Variants in IRF4 observed in about 807,000 individuals in gnomAD.
IRF4 encodes interferon regulatory factor 4.
Under a neutral mutation model 55.5 loss-of-function variants are expected in IRF4, and 13 were observed. That is an observed-to-expected ratio of 0.23 (90% CI 0.15 to 0.37). The LOEUF is 0.37. Among genes scored for constraint, IRF4 ranks in the 10% least tolerant of loss-of-function variants. IRF4 has a pLI of 1.00. For synonymous variants in IRF4, 249 were observed against 240.7 expected, an observed-to-expected ratio of 1.03 and a Z score of -0.32; for missense variants, 397 against 593.8, an observed-to-expected ratio of 0.67 and a Z score of 3.44.
chr6:398,638 T>G (rs1294287663), intron 5 of IRF4, among the ~76,000 whole-genome samples, 190 bp from the exon 6 acceptor site: 1 of 152,234 alleles, frequency 6.6e-6, no homozygotes, highest in African/African-American at 2.4e-5. Context: ...GCTTTGGTTT[T>G]CCAGTTGGTC....
rs776661032 is a variant in IRF4 at position 395,906 on chromosome 6, A to C, written c.463A>C (p.Thr155Pro). 6.2e-7 allele frequency: 1 copy of C among 1,613,752 alleles called. No individual in the cohort carries two copies. The highest frequency in any genetic ancestry group is 8.5e-7 in the Non-Finnish European group (1 of 1,179,816). ...QMSMSHPYTM[T>P]TPYPSLPAQQ... Reference sequence around the variant, plus strand: ...GTCCATGAGCCACCCCTACACCATGACAACGCCTTACCCTTCGCTCCCAGC... The same window carrying C: ...GTCCATGAGCCACCCCTACACCATGCCAACGCCTTACCCTTCGCTCCCAGC... Residue 155 changes from threonine (T) to proline (P), a missense_variant, in exon 4 of 9, where the codon ACA (threonine) becomes CCA (proline). Coordinates refer to ENST00000380956, the MANE Select transcript of IRF4 (RefSeq NM_002460.4).
At chr6:397,496 G>T in intron 5 of IRF4, 1 of 490,836 alleles carries the variant, frequency 2.0e-6, no homozygotes, top group Non-Finnish European at 3.6e-6. Context: ...ACACCACAGA[G>T]ATCACTCCAG....
intron 3 of IRF4, among the ~76,000 whole-genome samples, chr6:395,511 G>C (rs994838370): frequency 5.3e-5 from 8 of 152,182 alleles, no homozygotes; most frequent in Non-Finnish European, 1.2e-4. Context: ...GTCTGGAAGA[G>C]AGCTCAGGAA....
At chr6:401,363 C>T (rs1021857936) in intron 6 of IRF4, 61 bp from the exon 7 acceptor site, 15 of 1,279,370 alleles carry the variant, frequency 1.2e-5, no homozygotes, top group South Asian at 2.6e-5. Context: ...TCTGTGGAGT[C>T]GTTGGCCTCG....
rs111502183 is a variant in IRF4, at chr6:407,746, C to T, written c.*148C>T. Reference sequence around the variant, plus strand: ...CTCCGCCTCCTGGGTTCAAGAGACTCTCCTGCCTCAGCCTCCCTGGTAGCT... The same window carrying T: ...CTCCGCCTCCTGGGTTCAAGAGACTTTCCTGCCTCAGCCTCCCTGGTAGCT... On this transcript the variant is annotated 3_prime_UTR_variant, in exon 9 of 9. Coordinates refer to ENST00000380956, the MANE Select transcript of IRF4 (RefSeq NM_002460.4). The T allele has an allele frequency of 3.7e-3, 2,584 of 697,076 alleles. 69 individuals carry two copies. In the African/African-American group the frequency reaches 0.044, roughly 12 times the overall value. The allele number at this position is 697,076 out of a possible 1,614,324, so 43.2% of individuals were successfully genotyped here.
intron 8 of IRF4, among the ~76,000 whole-genome samples, chr6:406,098 A>G (rs1043624996): frequency 1.3e-5 from 2 of 152,238 alleles, no homozygotes; most frequent in African/African-American, 4.8e-5. Flanking sequence ...CAACCAGTAT[A>G]TAATCCCATA....
At chr6:401,952 G>C (rs999530122) in intron 7 of IRF4, 175 bp downstream of exon 7, 42 of 613,254 alleles carry the variant, frequency 6.8e-5, no homozygotes, top group Middle Eastern at 4.1e-4. Context: ...TCTGTTGTGG[G>C]CAGAGAGTCC....
intron 2 of IRF4, 151 bp from the exon 3 acceptor site, chr6:394,670 C>G (rs1413513240): frequency 2.8e-6 from 2 of 723,052 alleles, no homozygotes; most frequent in African/African-American, 1.8e-5. Context: ...ATAGGAGGAC[C>G]CTAGAACTCA....
In IRF4 at chr6:397,381, C is replaced by T. The variant is rs545051257; in HGVS notation, c.637+129C>T. 32 of 1,114,786 alleles carry T rather than the reference C, an allele frequency of 2.9e-5. No homozygotes were observed. In the East Asian group the frequency reaches 4.5e-4, roughly 16 times the overall value. 69.1% of individuals were successfully genotyped at this position (1,114,786 alleles called of 1,614,324 possible). A position where few individuals can be genotyped will look rare whatever the true frequency, so the allele number is the denominator to read the frequency against. ...CTTCTTAGAGGCTGCGTGTGCAGCT[C>T]GGGGAGAGGGGGGTTTTCTCACTCC... On this transcript the variant is annotated intron_variant, in intron 5 of 8. Transcript: ENST00000380956.
intron 7 of IRF4, 125 bp from the exon 8 acceptor site, chr6:404,893 G>A (rs1305154582): frequency 2.1e-5 from 13 of 628,728 alleles, no homozygotes; most frequent in Admixed American, 5.4e-5. Context: ...CCCACTCAGC[G>A]GAGTAAGAGT....
chr6:399,894 A>T (rs1038572790), intron 6 of IRF4, among the ~76,000 whole-genome samples: 4 of 152,166 alleles, frequency 2.6e-5, no homozygotes, highest in African/African-American at 9.7e-5. Context: ...GGTGCTTCTG[A>T]GCAGGAAGGC....
chr6:393,597 A>G lies in IRF4; in HGVS notation c.216+229A>G, dbSNP rs974665431. Among the ~76,000 whole-genome samples, 18 of 152,206 alleles carry G rather than the reference A, an allele frequency of 1.2e-4. 1 individual carries two copies. The highest frequency in any genetic ancestry group is 1.1e-3 in the Admixed American group (17 of 15,306). On this transcript the variant is annotated intron_variant, in intron 2 of 8. Coordinates refer to ENST00000380956, the MANE Select transcript of IRF4 (RefSeq NM_002460.4). The surrounding 1 kb of genome is among the most constrained non-coding windows in gnomAD (Gnocchi z 5.4). Reference sequence around the variant, plus strand: ...CGGGTCCTGGGCGCGTGGAGGCTGCAGGGAAACCGCTGAAGGCCCGGCCGG... The same window carrying G: ...CGGGTCCTGGGCGCGTGGAGGCTGCGGGGAAACCGCTGAAGGCCCGGCCGG...
rs565579493 is a variant in IRF4, at chr6:403,373, C to A, written c.1099+1596C>A. On this transcript the variant is annotated intron_variant, in intron 7 of 8. Coordinates refer to ENST00000380956, the MANE Select transcript of IRF4 (RefSeq NM_002460.4). ...GGCCTGGATTTCTGAAGACTCTGGACCTTGGTGCCAGTGGATTCAGAAGAT... is the reference window on the plus strand; with the variant it reads ...GGCCTGGATTTCTGAAGACTCTGGAACTTGGTGCCAGTGGATTCAGAAGAT... Among the ~76,000 whole-genome samples the A allele has an allele frequency of 2.0e-5, 3 of 152,244 alleles. No homozygotes were observed. The East Asian group carries it at 5.8e-4, about 29-fold the overall frequency.
Position 407,720 on chromosome 6 carries a change from C to T in IRF4, c.*122C>T. 1.1e-6 allele frequency: 1 copy of T among 892,070 alleles called. No homozygotes were observed. 55.3% of individuals were successfully genotyped at this position (892,070 alleles called of 1,614,324 possible). A position where few individuals can be genotyped will look rare whatever the true frequency, so the allele number is the denominator to read the frequency against. On this transcript the variant is annotated 3_prime_UTR_variant, in exon 9 of 9. Transcript: ENST00000380956. ...GTGACACAATCTCAGCTCACTGTGACCTCCGCCTCCTGGGTTCAAGAGACT... is the reference window on the plus strand; with the variant it reads ...GTGACACAATCTCAGCTCACTGTGATCTCCGCCTCCTGGGTTCAAGAGACT...
chr6:401,550 T>C lies in IRF4; in HGVS notation c.872T>C (p.Leu291Pro), dbSNP rs2127439950. The C allele has an allele frequency of 6.2e-7, 1 of 1,614,134 alleles. No homozygotes were observed. The highest frequency in any genetic ancestry group is 1.1e-5 in the South Asian group (1 of 91,088). Residue 291 changes from leucine to proline, a missense_variant, in exon 7 of 9, where the codon CTG becomes CCG. Transcript: ENST00000380956. The stretch of plus-strand genomic sequence containing the variant: ...GACGCCAGCAACCTGGACCAGGTCC[T>C]GTTCCCCTACCCAGAGGACAATGGC... The part of the protein sequence containing the change: ...TYDASNLDQV[L>P]FPYPEDNGQR...
At chr6:398,648 C>A (rs1761325975) in intron 5 of IRF4, among the ~76,000 whole-genome samples, 180 bp from the exon 6 acceptor site, 1 of 152,214 alleles carries the variant, frequency 6.6e-6, no homozygotes, top group Admixed American at 6.5e-5. Flanking sequence ...TCCAGTTGGT[C>A]TCCAGCTCAT....
In IRF4 at chr6:407,634, T is replaced by G; in HGVS notation, c.*36T>G. ...GATGAGTGGTTTTCTTTTTCCTTTT[T>G]TTTTTTTTTTTTTTGATACGGGGAT... On this transcript the variant is annotated 3_prime_UTR_variant, in exon 9 of 9. Transcript: ENST00000380956. The G allele has an allele frequency of 1.4e-6, 2 of 1,414,958 alleles. No homozygotes were observed. The highest frequency in any genetic ancestry group is 2.5e-5 in the East Asian group (1 of 39,412). The allele number at this position is 1,414,958 out of a possible 1,614,324, so 87.7% of individuals were successfully genotyped here. A position where few individuals can be genotyped will look rare whatever the true frequency, so the allele number is the denominator to read the frequency against.
In IRF4 at chr6:407,653, C is replaced by G; in HGVS notation, c.*55C>G. ...CCTTTTTTTTTTTTTTTTTTTGATACGGGGATACGGGGTCTTGCTCTGTCT... is the reference window on the plus strand; with the variant it reads ...CCTTTTTTTTTTTTTTTTTTTGATAGGGGGATACGGGGTCTTGCTCTGTCT... On this transcript the variant is annotated 3_prime_UTR_variant, in exon 9 of 9. Coordinates refer to ENST00000380956, the MANE Select transcript of IRF4 (RefSeq NM_002460.4). 2 of 1,296,460 alleles carry G rather than the reference C, an allele frequency of 1.5e-6. No homozygotes were observed. The highest frequency in any genetic ancestry group is 2.7e-5 in the South Asian group (2 of 75,244). The allele number at this position is 1,296,460 out of a possible 1,614,324, so 80.3% of individuals were successfully genotyped here. A position where few individuals can be genotyped will look rare whatever the true frequency, so the allele number is the denominator to read the frequency against.
chr6:406,604 G>C (rs948170964), intron 8 of IRF4, among the ~76,000 whole-genome samples: 6 of 152,038 alleles, frequency 3.9e-5, no homozygotes, highest in Non-Finnish European at 8.8e-5. Flanking sequence ...CAGTTTTAAA[G>C]TTGACATGGA....
Sources: gnomAD v4.1 joint callset for allele counts (sites outside exome capture counted in the v4.1 genomes callset) on GRCh38, gnomAD v4.1.1 for gene constraint, Gnocchi (gnomAD v3.1) non-coding constraint, MANE v1.5 for transcripts, NCBI Gene and HGNC (gene_info 2026-07-23, HGNC 2026-07-21) for gene names.